Variants in CENPP observed in about 807,000 individuals in gnomAD.
CENPP encodes centromere protein P.
A neutral mutation model predicts 35.6 loss-of-function variants in CENPP; 24 were observed. The ratio of observed to expected loss-of-function variants is 0.67; its 90% CI spans 0.49 to 0.95. CENPP has a LOEUF of 0.95. Ranked by LOEUF, CENPP falls within the 40% of genes least tolerant of loss-of-function variation. The pLI is 0.00. For synonymous variants in CENPP, 120 were observed against 125.5 expected (o/e 0.96, Z 0.29); for missense variants, 332 against 345.3 (o/e 0.96, Z 0.31).
chr9:92,520,313 T>C (rs1847986304), intron 5 of CENPP, among the ~76,000 whole-genome samples: 1 of 151,964 alleles, frequency 6.6e-6, no homozygotes, highest in African/African-American at 2.4e-5. Flanking sequence ...GCATAGGGGT[T>C]GAATAGATAT....
At chr9:92,566,876 A>C (rs1849980152) in intron 5 of CENPP, among the ~76,000 whole-genome samples, 1 of 152,238 alleles carries the variant, frequency 6.6e-6, no homozygotes, top group African/African-American at 2.4e-5. Context: ...TCTGAGTTCA[A>C]CAAACTCCAA....
intron 4 of CENPP, among the ~76,000 whole-genome samples, chr9:92,364,908 G>C (rs1169451985): frequency 6.6e-6 from 1 of 152,156 alleles, no homozygotes; most frequent in Non-Finnish European, 1.5e-5. Flanking sequence ...CTTGTACATG[G>C]TTGGTGTTCA....
intron 5 of CENPP, among the ~76,000 whole-genome samples, chr9:92,599,163 G>A (rs1564016611): frequency 6.6e-6 from 1 of 151,854 alleles, no homozygotes; most frequent in South Asian, 2.1e-4. Flanking sequence ...AGGGATTTCT[G>A]TTGGAATTTC....
At chr9:92,453,900 A>C (rs556852838) in intron 5 of CENPP, among the ~76,000 whole-genome samples, 4 of 152,148 alleles carry the variant, frequency 2.6e-5, no homozygotes, top group Non-Finnish European at 4.4e-5. Context: ...CAGGAAGATC[A>C]CTTAAGCCCA....
At chr9:92,353,889 A>G (rs2130819745) in intron 4 of CENPP, among the ~76,000 whole-genome samples, 1 of 152,332 alleles carries the variant, frequency 6.6e-6, no homozygotes, top group East Asian at 1.9e-4. Flanking sequence ...GCTGATTCAG[A>G]GCATACATGG....
intron 5 of CENPP, among the ~76,000 whole-genome samples, chr9:92,601,525 C>A (rs1850918033): frequency 6.6e-6 from 1 of 152,214 alleles, no homozygotes; most frequent in Non-Finnish European, 1.5e-5. Flanking sequence ...CCCCATCTCG[C>A]CTCCCCCGTG....
chr9:92,389,002 T>C (rs1407512596), intron 5 of CENPP, among the ~76,000 whole-genome samples: 1 of 152,180 alleles, frequency 6.6e-6, no homozygotes, highest in Non-Finnish European at 1.5e-5. Context: ...AATGGACTAT[T>C]TGTACACTTT....
At chr9:92,508,893 C>G (rs956574552) in intron 5 of CENPP, among the ~76,000 whole-genome samples, 2 of 151,816 alleles carry the variant, frequency 1.3e-5, no homozygotes, top group African/African-American at 4.8e-5. Context: ...AGCAAGGAAA[C>G]AGACAGTGTT....
intron 5 of CENPP, among the ~76,000 whole-genome samples, chr9:92,585,795 T>C (rs529673537): frequency 2.0e-5 from 3 of 152,346 alleles, no homozygotes; most frequent in South Asian, 4.2e-4. Flanking sequence ...ATCAATATTA[T>C]GGTGTTTTCA....
Position 92,618,820 on chromosome 9 carries a change from G to C in CENPP, c.*5671G>C. ...TGAGTGGCTGGCAGCCAGCAACCAAGGTCATCTTGACCCAGGAACACATGT... is the reference window on the plus strand; with the variant it reads ...TGAGTGGCTGGCAGCCAGCAACCAACGTCATCTTGACCCAGGAACACATGT... On this transcript the variant is annotated 3_prime_UTR_variant, in exon 8 of 8. Coordinates refer to ENST00000375587, the MANE Select transcript of CENPP (RefSeq NM_001012267.3). 2 of 353,310 alleles carry C rather than the reference G, an allele frequency of 5.7e-6. No homozygotes were observed. Among genetic ancestry groups the C allele is most frequent in the South Asian group, 4.4e-5 (2 of 45,968 alleles). The allele number at this position is 353,310 out of a possible 1,614,324, so 21.9% of individuals were successfully genotyped here. A position where few individuals can be genotyped will look rare whatever the true frequency, so the allele number is the denominator to read the frequency against.
intron 5 of CENPP, among the ~76,000 whole-genome samples, chr9:92,544,353 G>C (rs1415762472): frequency 1.3e-5 from 2 of 152,116 alleles, no homozygotes; most frequent in Non-Finnish European, 2.9e-5. Flanking sequence ...GCACATGCCT[G>C]TAAACCCAGC....
intron 5 of CENPP, among the ~76,000 whole-genome samples, chr9:92,449,437 CAAAAAAAAAAAAAAAAAAA>C (rs56218626): frequency 4.7e-4 from 26 of 54,954 alleles, no homozygotes; most frequent in African/African-American, 7.4e-4. Context: ...ACTCTATCTC[CAAAAAAAAAAAAAAAAAAA>C]AAAAAAAAAA....
chr9:92,611,994 A>G (rs1223380871), intron 6 of CENPP, among the ~76,000 whole-genome samples: 2 of 152,178 alleles, frequency 1.3e-5, no homozygotes, highest in Non-Finnish European at 2.9e-5. Flanking sequence ...CACCTCCTCC[A>G]GGGTCATGAG....
intron 5 of CENPP, chr9:92,384,034 G>A (rs897284700): frequency 1.1e-4 from 16 of 152,198 alleles, no homozygotes; most frequent in Non-Finnish European, 1.9e-4. Context: ...TCACTATTGT[G>A]CTAGGCAATT....
rs898869169 is a variant in CENPP at position 92,565,370 on chromosome 9, CAA to C, written c.565-45942_565-45941del. The stretch of plus-strand genomic sequence containing the variant: ...TACGAATTTTGTGTTGGGCCTCATT[CAA>C]AGTCATCCTGGGCTGCATGCAGCCC... On this transcript the variant is annotated intron_variant, in intron 5 of 7. Coordinates refer to ENST00000375587, the MANE Select transcript of CENPP (RefSeq NM_001012267.3). 2.8e-5 allele frequency among the ~76,000 whole-genome samples: 4 copies of C among 143,166 alleles called. No individual in the cohort carries two copies. In the Admixed American group the frequency reaches 2.8e-4, roughly 10 times the overall value. 93.9% of individuals were successfully genotyped at this position (143,166 alleles called of 152,430 possible). A position where few individuals can be genotyped will look rare whatever the true frequency, so the allele number is the denominator to read the frequency against.
chr9:92,431,519 T>C (rs1369106474), intron 5 of CENPP, among the ~76,000 whole-genome samples: 3 of 152,212 alleles, frequency 2.0e-5, no homozygotes, highest in African/African-American at 4.8e-5. Flanking sequence ...TTCAGCCATT[T>C]GGATTTTCTC....
chr9:92,530,230 T>C (rs1190292753), intron 5 of CENPP, among the ~76,000 whole-genome samples: 1 of 152,130 alleles, frequency 6.6e-6, no homozygotes, highest in African/African-American at 2.4e-5. Context: ...TAAAAATTTG[T>C]CAAAACCCAA....
chr9:92,398,418 C>T (rs1298912642), intron 5 of CENPP, among the ~76,000 whole-genome samples: 1 of 152,122 alleles, frequency 6.6e-6, no homozygotes, highest in Non-Finnish European at 1.5e-5. Flanking sequence ...CTGCCATCCC[C>T]TCTCCCCCAA....
chr9:92,507,823 G>A (rs566177297), intron 5 of CENPP, among the ~76,000 whole-genome samples: 16 of 152,088 alleles, frequency 1.1e-4, no homozygotes, highest in African/African-American at 2.2e-4. Context: ...TCCATAACAC[G>A]TGTGCACATC....
Sources: allele counts gnomAD v4.1 joint callset (sites outside exome capture counted in the v4.1 genomes callset), GRCh38; gene constraint gnomAD v4.1.1; transcripts MANE v1.5; gene names NCBI Gene and HGNC (gene_info 2026-07-23, HGNC 2026-07-21).